The following AK9 variants were observed in gnomAD, a reference collection of about 807,000 sequenced individuals.
The protein encoded by AK9 is adenylate kinase domain containing 1.
AK9 carries 191 observed loss-of-function variants against 239.6 expected under a neutral mutation model. The observed-to-expected ratio is 0.80, with a 90% CI of 0.71 to 0.90. AK9 has a LOEUF of 0.90. Among genes scored for constraint, AK9 ranks in the 40% least tolerant of loss-of-function variants. The probability of loss-of-function intolerance (pLI) is 0.00; values close to 1 mark genes in which losing one functional copy is unlikely to be tolerated. For missense variants in AK9, 1,995 were observed against 2,214.7 expected, an observed-to-expected ratio of 0.90 and a Z score of 1.99; for synonymous variants, 689 against 721.0, an observed-to-expected ratio of 0.96 and a Z score of 0.71.
chr6:109,534,542 G>A (rs1781717456), intron 27 of AK9, among the ~76,000 whole-genome samples: 1 of 150,516 alleles, frequency 6.6e-6, no homozygotes, highest in African/African-American at 2.4e-5. Context: ...ATTCAAAAAT[G>A]TGAATTTTCC....
chr6:109,556,088 G>T (rs775102509), intron 24 of AK9, among the ~76,000 whole-genome samples: 4 of 152,136 alleles, frequency 2.6e-5, no homozygotes, highest in Non-Finnish European at 4.4e-5. Context: ...AGTTGATGCA[G>T]TTTCTTTGTA....
rs748284645 is a variant in AK9 at position 109,528,998 on chromosome 6, CA to C, written c.3633+12del. ...TGAGACCCTGTTTTGAAAAAAAAAA[CA>C]AAACTACTTACCTCCCTCCTTTTTT... is the stretch of plus-strand genomic sequence containing the variant. On this transcript the variant is annotated intron_variant, in intron 29 of 40. Transcript: ENST00000424296. 7.5e-6 allele frequency: 5 copies of C among 664,400 alleles called. No individual in the cohort carries two copies. 41.2% of individuals were successfully genotyped at this position (664,400 alleles called of 1,614,324 possible).
chr6:109,557,360 C>A (rs1297418877), intron 24 of AK9, among the ~76,000 whole-genome samples: 1 of 152,028 alleles, frequency 6.6e-6, no homozygotes, highest in African/African-American at 2.4e-5. Context: ...AAGATGGGTG[C>A]CTGCTCCTTC....
chr6:109,594,243 T>C (rs1045986437), intron 17 of AK9, among the ~76,000 whole-genome samples: 2 of 152,084 alleles, frequency 1.3e-5, no homozygotes, highest in Non-Finnish European at 2.9e-5. Flanking sequence ...GAGAGCCAAA[T>C]CATGAGTGAA....
At chr6:109,667,757 A>G (rs1404531130) in intron 5 of AK9, among the ~76,000 whole-genome samples, 3 of 152,292 alleles carry the variant, frequency 2.0e-5, no homozygotes, top group Non-Finnish European at 2.9e-5. Context: ...GCTGCATAGT[A>G]TTGCATGATG....
chr6:109,538,568 G>A lies in AK9; in HGVS notation c.3350+3479C>T, dbSNP rs575706181. Among the ~76,000 whole-genome samples, 968 of 151,206 alleles carry A rather than the reference G, an allele frequency of 6.4e-3. 14 individuals are homozygous for A. Among genetic ancestry groups the A allele is most frequent in the African/African-American group, 0.023 (925 of 40,668 alleles). Reference sequence around the variant, plus strand: ...TCTTGACTCTTTATCCAATTTGCCAGTCTGTGTCTTTTAATTGGAGCATTT... The same window carrying A: ...TCTTGACTCTTTATCCAATTTGCCAATCTGTGTCTTTTAATTGGAGCATTT... On this transcript the variant is annotated intron_variant, in intron 27 of 40. Transcript: ENST00000424296.
chr6:109,558,615 T>G (rs902859147), intron 24 of AK9, among the ~76,000 whole-genome samples: 6 of 152,232 alleles, frequency 3.9e-5, no homozygotes, highest in Admixed American at 1.3e-4. Context: ...ACTATTTTGA[T>G]AGCTATAACT....
chr6:109,573,846 T>C (rs1386050784), intron 20 of AK9, among the ~76,000 whole-genome samples: 2 of 152,174 alleles, frequency 1.3e-5, no homozygotes, highest in South Asian at 4.1e-4. Flanking sequence ...AATGAAATGT[T>C]TGTGGCAGTT....
In AK9 at chr6:109,516,577, T is replaced by A. The variant is rs1779295300; in HGVS notation, c.3699A>T (p.Glu1233Asp). The A allele has an allele frequency of 6.4e-7, 1 of 1,551,028 alleles. No individual in the cohort carries two copies. The highest frequency in any genetic ancestry group is 8.7e-7 in the Non-Finnish European group (1 of 1,146,938). ...EELEEDNDDI[E>D]NILEDEFPKD... ...TTGGAAACTCATCTTCAAGGATGTT[T>A]TCAATATCATCATTGTCTTCTTCAA... Residue 1233 changes from glutamate to aspartate, a missense_variant, in exon 30 of 41, where the codon GAA (glutamate) becomes GAT (aspartate). Coordinates refer to ENST00000424296, the MANE Select transcript of AK9 (RefSeq NM_001145128.3).
intron 8 of AK9, among the ~76,000 whole-genome samples, chr6:109,651,798 AT>A (rs1258827622): frequency 3.9e-5 from 6 of 152,112 alleles, no homozygotes. Flanking sequence ...ATACTAGAAA[AT>A]TTAGAAGAAA....
chr6:109,502,124 CT>C (rs1777659492), intron 35 of AK9, among the ~76,000 whole-genome samples: 1 of 152,138 alleles, frequency 6.6e-6, no homozygotes, highest in African/African-American at 2.4e-5. Flanking sequence ...GTGTTCCTGC[CT>C]TTGTGTAATC....
chr6:109,689,660 C>T (rs1343975815), intron 1 of AK9, among the ~76,000 whole-genome samples: 1 of 152,180 alleles, frequency 6.6e-6, no homozygotes, highest in African/African-American at 2.4e-5. Flanking sequence ...TTTTCTTCCC[C>T]TCCCTGCTGC....
chr6:109,494,353 A>G (rs1750734455), intron 39 of AK9: 2 of 336,622 alleles, frequency 5.9e-6, no homozygotes, highest in African/African-American at 4.2e-5. Flanking sequence ...TTCATTACAC[A>G]AGTCTCTCTA....
intron 10 of AK9, among the ~76,000 whole-genome samples, chr6:109,640,735 C>A (rs1183696041): frequency 6.6e-6 from 1 of 152,034 alleles, no homozygotes; most frequent in Admixed American, 6.6e-5. Flanking sequence ...AATTTCTACT[C>A]ATTTAGGTGA....
Position 109,656,842 on chromosome 6 carries a change from G to T in AK9, c.673C>A (p.His225Asn). ...TAATCTTCAGGCCTCTGAACTAGAT[G>T]ATGAAGAATTTCAGCCACCATCTGC... ...EMQMVAEILH[H>N]LVQRPEDYLE... Residue 225 changes from histidine to asparagine, a missense_variant, in exon 8 of 41, where the codon CAT becomes AAT. His to Asn is a moderately conservative substitution (Grantham distance 68, BLOSUM62 1). This residue lies in a region of AK9 where 17 missense variants were observed against 39.1 expected (regional missense o/e 0.43). Transcript: ENST00000424296. The T allele has an allele frequency of 6.2e-7, 1 of 1,612,526 alleles. No individual in the cohort carries two copies. Among genetic ancestry groups the T allele is most frequent in the South Asian group, 1.1e-5 (1 of 90,948 alleles).
chr6:109,531,866 C>T (rs551097339), intron 28 of AK9, among the ~76,000 whole-genome samples: 45 of 152,262 alleles, frequency 3.0e-4, no homozygotes, highest in African/African-American at 1.0e-3. Flanking sequence ...ATCCATAGTT[C>T]TCAGATGGCT....
At chr6:109,687,703 A>G (rs1272460142) in intron 1 of AK9, among the ~76,000 whole-genome samples, 1 of 152,198 alleles carries the variant, frequency 6.6e-6, no homozygotes, top group African/African-American at 2.4e-5. Flanking sequence ...CATCTCAGCC[A>G]ACACCAGATT....
At chr6:109,618,044 C>T (rs1192270595) in intron 13 of AK9, among the ~76,000 whole-genome samples, 8 of 152,110 alleles carry the variant, frequency 5.3e-5, no homozygotes, top group Non-Finnish European at 1.0e-4. Context: ...AAATGCATCA[C>T]GAATGGCTAT....
intron 19 of AK9, among the ~76,000 whole-genome samples, chr6:109,582,145 T>A (rs910104476): frequency 1.3e-5 from 2 of 152,170 alleles, no homozygotes; most frequent in African/African-American, 4.8e-5. Context: ...ACCCAAGAGC[T>A]CTGATGAAGA....
Sources: allele counts gnomAD v4.1 joint callset (sites outside exome capture counted in the v4.1 genomes callset), GRCh38; gene constraint gnomAD v4.1.1; regional missense constraint gnomAD v4.1.1; transcripts MANE v1.5; gene names NCBI Gene and HGNC (gene_info 2026-07-23, HGNC 2026-07-21).